NFIL3: variants seen among roughly 807,000 people sequenced by gnomAD.
NFIL3 encodes the protein nuclear factor interleukin-3-regulated protein.
NFIL3 carries 5 observed loss-of-function variants against 10.0 expected under a neutral mutation model. The ratio of observed to expected loss-of-function variants is 0.50; its 90% confidence interval spans 0.26 to 1.06. The LOEUF (loss-of-function observed/expected upper bound fraction) is 1.06, where lower values mean the gene tolerates loss of function less well. NFIL3 is among the 50% of genes least tolerant of loss of function. The pLI, the probability that NFIL3 is intolerant of heterozygous loss-of-function variation, is 0.13. For missense variants in NFIL3, 436 were observed against 547.6 expected (o/e 0.80, Z 2.03); for synonymous variants, 202 against 206.5 (o/e 0.98, Z 0.19).
chr9:91,417,314 C>T (rs542123394), intron 1 of NFIL3, among the ~76,000 whole-genome samples: 4 of 152,164 alleles, frequency 2.6e-5, no homozygotes, highest in South Asian at 2.1e-4. Context: ...TCAAGGTAAA[C>T]CTAAGTTATG....
chr9:91,413,213 G>C (rs1833588433), intron 1 of NFIL3, among the ~76,000 whole-genome samples: 3 of 152,144 alleles, frequency 2.0e-5, no homozygotes, highest in Admixed American at 1.3e-4. Context: ...TGATGTTGCA[G>C]AGAAGGAATC....
chr9:91,411,239 G>A (rs1214159373), intron 1 of NFIL3, among the ~76,000 whole-genome samples: 2 of 152,272 alleles, frequency 1.3e-5, no homozygotes, highest in East Asian at 3.9e-4. Flanking sequence ...AGTTGGGTGT[G>A]GGCAATTACA....
intron 1 of NFIL3, among the ~76,000 whole-genome samples, chr9:91,423,364 C>T (rs1833807764): frequency 6.6e-6 from 1 of 152,176 alleles, no homozygotes; most frequent in Admixed American, 6.5e-5. Context: ...CATTATGCAA[C>T]AGCAGCGGGG....
At chr9:91,450,805 G>C in the NFIL3 span, among the ~76,000 whole-genome samples, 1 of 152,048 alleles carries the variant, frequency 6.6e-6, no homozygotes, top group Non-Finnish European at 1.5e-5. Flanking sequence ...GTGGAGTATT[G>C]AAGTCTTCAA....
At chr9:91,416,607 T>C (rs1348012406) in intron 1 of NFIL3, among the ~76,000 whole-genome samples, 3 of 152,174 alleles carry the variant, frequency 2.0e-5, no homozygotes, top group African/African-American at 7.2e-5. Flanking sequence ...ATTACACACA[T>C]TAGATGATAT....
the NFIL3 span, among the ~76,000 whole-genome samples, chr9:91,467,478 C>G: frequency 3.6e-3 from 550 of 151,990 alleles, 2 homozygotes; most frequent in African/African-American, 0.013. Context: ...TATACTGCAG[C>G]CTTGCTATAA....
the NFIL3 span, among the ~76,000 whole-genome samples, chr9:91,437,953 A>G: frequency 6.6e-6 from 1 of 152,226 alleles, no homozygotes; most frequent in Non-Finnish European, 1.5e-5. Context: ...TATTGTGGGT[A>G]GTGCTGCAGT....
the NFIL3 span, among the ~76,000 whole-genome samples, chr9:91,464,413 G>C: frequency 2.0e-5 from 3 of 151,926 alleles, no homozygotes; most frequent in Non-Finnish European, 4.4e-5. Context: ...GGTAGTGCAG[G>C]TGCCTTATAA....
chr9:91,443,738 C>A, the NFIL3 span, among the ~76,000 whole-genome samples: 1 of 152,292 alleles, frequency 6.6e-6, no homozygotes, highest in East Asian at 1.9e-4. Flanking sequence ...CTTGCCCCAA[C>A]AACTCAGAAG....
chr9:91,434,266 T>C, the NFIL3 span, among the ~76,000 whole-genome samples: 2 of 152,094 alleles, frequency 1.3e-5, no homozygotes, highest in South Asian at 4.1e-4. Context: ...CAATGGAACA[T>C]AATATGCTTC....
chr9:91,473,138 G>A, the NFIL3 span, among the ~76,000 whole-genome samples: 20 of 152,276 alleles, frequency 1.3e-4, no homozygotes, highest in South Asian at 2.1e-4. Context: ...ACTGGCAGGC[G>A]TCTCCCAGTT....
the NFIL3 span, among the ~76,000 whole-genome samples, chr9:91,452,505 T>C: frequency 6.6e-3 from 1,009 of 152,300 alleles, 10 homozygotes; most frequent in African/African-American, 0.023. Context: ...CCAGGTGCGG[T>C]GGCTCACGCC....
At chr9:91,442,156 A>G in the NFIL3 span, among the ~76,000 whole-genome samples, 1 of 151,998 alleles carries the variant, frequency 6.6e-6, no homozygotes, top group South Asian at 2.1e-4. Flanking sequence ...TCAGCTTTTC[A>G]TTGTCTGTGA....
intron 1 of NFIL3, among the ~76,000 whole-genome samples, chr9:91,411,546 T>A (rs1474657918): frequency 6.6e-6 from 1 of 152,204 alleles, no homozygotes; most frequent in Non-Finnish European, 1.5e-5. Context: ...AACCTGCCCA[T>A]CACATCCTTG....
chr9:91,455,860 T>C, the NFIL3 span, among the ~76,000 whole-genome samples: 1 of 152,152 alleles, frequency 6.6e-6, no homozygotes, highest in Non-Finnish European at 1.5e-5. Context: ...ATTGCAAAAA[T>C]TTTAAAAATT....
In NFIL3 at chr9:91,409,848, T is replaced by C; in HGVS notation, c.887A>G (p.Lys296Arg). The C allele has an allele frequency of 6.2e-7, 1 of 1,614,074 alleles. No homozygotes were observed. The highest frequency in any genetic ancestry group is 8.5e-7 in the Non-Finnish European group (1 of 1,180,016). Residue 296 changes from lysine (K) to arginine (R), a missense_variant, in exon 2 of 2, where the codon AAG (lysine) becomes AGG (arginine). Around this residue, in one of 3 missense-constraint regions of NFIL3, gnomAD observed 338 missense variants for 399.9 expected, o/e 0.85. Coordinates refer to ENST00000297689, the MANE Select transcript of NFIL3 (RefSeq NM_005384.3). ...SDGEDEQQVP[K>R]GPIHSPVELK... ...TTCAACTGGAGAATGGATGGGGCCC[T>C]TGGGGACCTGTTGCTCGTCTTCTCC...
the NFIL3 span, among the ~76,000 whole-genome samples, chr9:91,443,809 G>A: frequency 7.2e-5 from 11 of 152,278 alleles, no homozygotes; most frequent in Middle Eastern, 0.01. Flanking sequence ...AGCCCGAGCC[G>A]CACCTCCCCC....
At chr9:91,461,874 G>A in the NFIL3 span, among the ~76,000 whole-genome samples, 1 of 152,076 alleles carries the variant, frequency 6.6e-6, no homozygotes, top group Non-Finnish European at 1.5e-5. Context: ...TCTTATTTAG[G>A]AAACAAAGTG....
At chr9:91,469,309 A>C in the NFIL3 span, among the ~76,000 whole-genome samples, 1 of 152,050 alleles carries the variant, frequency 6.6e-6, no homozygotes, top group Non-Finnish European at 1.5e-5. Flanking sequence ...ATGGGAGTTC[A>C]CTCATGATTT....
Sources: allele counts gnomAD v4.1 joint callset (sites outside exome capture counted in the v4.1 genomes callset), GRCh38; gene constraint gnomAD v4.1.1; regional missense constraint gnomAD v4.1.1; transcripts MANE v1.5; gene names NCBI Gene and HGNC (gene_info 2026-07-23, HGNC 2026-07-21).